The following SEPTIN7 variants were observed in gnomAD, a reference collection of about 807,000 sequenced individuals.
SEPTIN7 encodes the protein septin 7.
In SEPTIN7, 10 loss-of-function variants were observed where a neutral mutation model predicts 63.3. The ratio of observed to expected loss-of-function variants is 0.16; its 90% CI spans 0.10 to 0.27. SEPTIN7 has a LOEUF of 0.27. Among genes scored for constraint, SEPTIN7 ranks in the 10% least tolerant of loss-of-function variants. SEPTIN7 has a pLI of 1.00. For synonymous variants in SEPTIN7, 131 were observed against 165.3 expected (o/e 0.79, Z 1.59); for missense variants, 310 against 521.0 (o/e 0.59, Z 3.94).
chr7:35,875,619 G>A (rs1484519998), intron 6 of SEPTIN7, among the ~76,000 whole-genome samples: 1 of 152,122 alleles, frequency 6.6e-6, no homozygotes, highest in Non-Finnish European at 1.5e-5. Context: ...TGCTTCATTT[G>A]CATTGTTCAG....
At chr7:35,840,066 A>G (rs1322593717) in intron 3 of SEPTIN7, among the ~76,000 whole-genome samples, 2 of 152,022 alleles carry the variant, frequency 1.3e-5, no homozygotes, top group Non-Finnish European at 2.9e-5. Context: ...CTTGGCACAT[A>G]CTGGCAAATT....
At chr7:35,894,349 A>G (rs1168302368) in intron 11 of SEPTIN7, among the ~76,000 whole-genome samples, 7 of 152,218 alleles carry the variant, frequency 4.6e-5, no homozygotes, top group Non-Finnish European at 8.8e-5. Flanking sequence ...TGTTCTCTAT[A>G]GCCTTCTCCA....
intron 9 of SEPTIN7, among the ~76,000 whole-genome samples, chr7:35,885,547 A>G (rs1048994029): frequency 1.3e-5 from 2 of 152,162 alleles, no homozygotes; most frequent in Non-Finnish European, 2.9e-5. Context: ...TACCAATAAT[A>G]AGATTTCCCC....
chr7:35,814,525 T>C, intron 1 of SEPTIN7, among the ~76,000 whole-genome samples: 1 of 152,198 alleles, frequency 6.6e-6, no homozygotes. Flanking sequence ...TTTGTTGGAC[T>C]GTGCAAATAC....
chr7:35,815,709 A>G (rs1317378781), intron 1 of SEPTIN7, among the ~76,000 whole-genome samples: 1 of 152,116 alleles, frequency 6.6e-6, no homozygotes, highest in Non-Finnish European at 1.5e-5. Context: ...CTTTTTTCCA[A>G]AGTTAGTTAT....
chr7:35,899,261 A>T (rs1381261033), intron 12 of SEPTIN7: 1 of 152,222 alleles, frequency 6.6e-6, no homozygotes, highest in Non-Finnish European at 1.5e-5. Flanking sequence ...TAGCCTGGGC[A>T]TGGTGGCTCA....
At chr7:35,809,083 T>G (rs1316260973) in intron 1 of SEPTIN7, among the ~76,000 whole-genome samples, 2 of 152,234 alleles carry the variant, frequency 1.3e-5, no homozygotes, top group African/African-American at 4.8e-5. Flanking sequence ...AATATTGCTG[T>G]TAAGTCATTA....
At chr7:35,806,656 C>T (rs1788358551) in intron 1 of SEPTIN7, among the ~76,000 whole-genome samples, 1 of 152,214 alleles carries the variant, frequency 6.6e-6, no homozygotes, top group African/African-American at 2.4e-5. Flanking sequence ...ATACTTCCAC[C>T]ATCCCAGAGT....
At chr7:35,914,783 T>A in the SEPTIN7 span, among the ~76,000 whole-genome samples, 3 of 151,920 alleles carry the variant, frequency 2.0e-5, no homozygotes, top group Non-Finnish European at 4.4e-5. Context: ...CTCTATTCTC[T>A]CTCTTTCATT....
At chr7:35,824,452 A>G (rs1783400457) in intron 1 of SEPTIN7, among the ~76,000 whole-genome samples, 1 of 152,150 alleles carries the variant, frequency 6.6e-6, no homozygotes, top group South Asian at 2.1e-4. Context: ...TGGCCTTGAT[A>G]CCATTTAAAT....
At chr7:35,862,499 G>A (rs535134507) in intron 3 of SEPTIN7, among the ~76,000 whole-genome samples, 1 of 152,138 alleles carries the variant, frequency 6.6e-6, no homozygotes, top group South Asian at 2.1e-4. Flanking sequence ...TGCTTTCAAG[G>A]TATAAGAGTT....
intron 1 of SEPTIN7, chr7:35,815,102 G>A (rs1275643821): frequency 2.5e-6 from 1 of 404,388 alleles, no homozygotes; most frequent in Non-Finnish European, 4.9e-6. Context: ...GACCTTTCAG[G>A]TGGCTCTTGT....
intron 10 of SEPTIN7, 76 bp downstream of exon 10, chr7:35,885,955 C>G (rs1562577941): frequency 9.9e-7 from 1 of 1,007,094 alleles, no homozygotes; most frequent in East Asian, 2.5e-5. Context: ...TACTTTTTGC[C>G]TTCTATAAAT....
At chr7:35,857,438 C>A (rs1280824779) in intron 3 of SEPTIN7, among the ~76,000 whole-genome samples, 1 of 152,090 alleles carries the variant, frequency 6.6e-6, no homozygotes, top group African/African-American at 2.4e-5. Context: ...AGTTTTCCCA[C>A]ACATTTGATA....
chr7:35,812,454 T>C (rs1338512535), intron 1 of SEPTIN7, among the ~76,000 whole-genome samples: 2 of 152,008 alleles, frequency 1.3e-5, no homozygotes, highest in African/African-American at 2.4e-5. Context: ...CATGCAAATA[T>C]AGCACGATAT....
At chr7:35,885,953 GC>G (rs1333475434) in intron 10 of SEPTIN7, 74 bp downstream of exon 10, 3 of 1,035,916 alleles carry the variant, frequency 2.9e-6, no homozygotes, top group Non-Finnish European at 4.4e-6. Context: ...TTTACTTTTT[GC>G]CTTCTATAAA....
intron 6 of SEPTIN7, 43 bp downstream of exon 6, chr7:35,873,818 C>T: frequency 1.3e-6 from 2 of 1,583,382 alleles, no homozygotes; most frequent in Non-Finnish European, 1.7e-6. Context: ...GTTGTTGTTG[C>T]TTACTGTTAC....
chr7:35,841,944 CTG>C (rs1784427503), intron 3 of SEPTIN7, among the ~76,000 whole-genome samples: 1 of 152,080 alleles, frequency 6.6e-6, no homozygotes, highest in South Asian at 2.1e-4. Flanking sequence ...TCTTAGGTGA[CTG>C]TATCACATAA....
At chr7:35,815,032 T>G (rs1788965973) in intron 1 of SEPTIN7, 1 of 221,092 alleles carries the variant, frequency 4.5e-6, no homozygotes, top group Non-Finnish European at 9.2e-6. Flanking sequence ...AGAGCTCTTT[T>G]ATTTATTCAT....
Sources: allele counts gnomAD v4.1 joint callset (sites outside exome capture counted in the v4.1 genomes callset), GRCh38; gene constraint gnomAD v4.1.1; transcripts MANE v1.5; gene names NCBI Gene and HGNC (gene_info 2026-07-23, HGNC 2026-07-21).